TOP2B: variants seen among roughly 807,000 people sequenced by gnomAD.
TOP2B encodes DNA topoisomerase II beta.
Under a neutral mutation model 193.5 loss-of-function variants are expected in TOP2B, and 51 were observed. That is an observed-to-expected ratio of 0.26 (90% CI 0.21 to 0.33). TOP2B has a LOEUF of 0.33. TOP2B is among the 10% of genes least tolerant of loss of function. The probability of loss-of-function intolerance (pLI) is 1.00; values close to 1 mark genes in which losing one functional copy is unlikely to be tolerated. For missense variants in TOP2B, 1,378 were observed against 1,909.3 expected (o/e 0.72, Z 5.19); for synonymous variants, 634 against 635.7 (o/e 1.00, Z 0.04).
At chr3:25,660,429 A>G (rs1170670204) in intron 1 of TOP2B, among the ~76,000 whole-genome samples, 1 of 152,236 alleles carries the variant, frequency 6.6e-6, no homozygotes, top group Non-Finnish European at 1.5e-5. Context: ...TCATGAGAGT[A>G]ACAAACATTC....
intron 4 of TOP2B, among the ~76,000 whole-genome samples, chr3:25,639,912 C>T (rs1379637437): frequency 1.3e-5 from 2 of 152,052 alleles, no homozygotes; most frequent in African/African-American, 4.8e-5. Flanking sequence ...AAAATTTAAC[C>T]TCTCCTCCAC....
chr3:25,657,905 C>CA (rs1233759889), intron 1 of TOP2B, among the ~76,000 whole-genome samples: 4 of 146,478 alleles, frequency 2.7e-5, no homozygotes, highest in African/African-American at 7.9e-5. Context: ...ACTAAAAATA[C>CA]AAAAAATTAG....
Position 25,627,316 on chromosome 3 carries a change from A to C in TOP2B, c.1907-20T>G. On this transcript the variant is annotated intron_variant, in intron 15 of 35. Transcript: ENST00000264331. Reference sequence around the variant, plus strand: ...CCAATCCTGCACAATTTTAAAAATAAAAGTGAGTCATGAATATCAATGTCT... The same window carrying C: ...CCAATCCTGCACAATTTTAAAAATACAAGTGAGTCATGAATATCAATGTCT... 6.7e-7 allele frequency: 1 copy of C among 1,482,070 alleles called. No individual in the cohort carries two copies. Among genetic ancestry groups the C allele is most frequent in the Non-Finnish European group, 9.2e-7 (1 of 1,091,016 alleles). The allele number at this position is 1,482,070 out of a possible 1,614,324, so 91.8% of individuals were successfully genotyped here. A position where few individuals can be genotyped will look rare whatever the true frequency, so the allele number is the denominator to read the frequency against.
At chr3:25,623,415 G>A (rs1702714985) in intron 21 of TOP2B, 100 bp downstream of exon 21, 1 of 1,093,632 alleles carries the variant, frequency 9.1e-7, no homozygotes, top group Non-Finnish European at 1.3e-6. Flanking sequence ...TCTACAATAT[G>A]TTCTAAAATA....
intron 3 of TOP2B, 67 bp from the exon 4 acceptor site, chr3:25,642,452 T>C (rs2125393432): frequency 1.0e-6 from 1 of 963,810 alleles, no homozygotes; most frequent in East Asian, 2.6e-5. Flanking sequence ...GACACAACTG[T>C]ATGTGCATCA....
intron 2 of TOP2B, among the ~76,000 whole-genome samples, chr3:25,644,115 T>A (rs1010201954): frequency 2.0e-5 from 3 of 151,386 alleles, no homozygotes; most frequent in Admixed American, 1.3e-4. Context: ...TTTTTTTTTT[T>A]ATAATACAGG....
In TOP2B at chr3:25,628,851, A is replaced by G; in HGVS notation, c.1902T>C (p.Tyr634=). 2 of 1,527,460 alleles carry G rather than the reference A, an allele frequency of 1.3e-6. No individual in the cohort carries two copies. The highest frequency in any genetic ancestry group is 1.2e-5 in the South Asian group (1 of 82,740). 94.6% of individuals were successfully genotyped at this position (1,527,460 alleles called of 1,614,324 possible). The change falls in exon 15 of 36, where the codon TAT becomes TAC. Residue 634 remains tyrosine (Y), a synonymous_variant. Transcript: ENST00000264331. ...TAAGTATTTTAAAATACAAACCTTT[A>G]TAGTACTTTATTTTCCAGGCTTTCT... The part of the protein sequence containing the change: ...ENQKAWKIKY[Y]KGLGTSTAKE...
At position 25,637,225 on chromosome 3, in the gene TOP2B, C is replaced by A; in HGVS notation, c.629G>T (p.Ser210Ile). 1 of 1,553,264 alleles carries A rather than the reference C, an allele frequency of 6.4e-7. No homozygotes were observed. The highest frequency in any genetic ancestry group is 1.2e-5 in the South Asian group (1 of 84,280). Reference sequence around the variant, plus strand: ...GTGTTTCTAGCATACCTGCTTAAAACTGTGTTTGTATTCTTTGCAAGCTGT... The same window carrying A: ...GTGTTTCTAGCATACCTGCTTAAAAATGTGTTTGTATTCTTTGCAAGCTGT... The part of the protein sequence containing the change: ...VETACKEYKH[S>I]FKQTWMNNMM... The change falls in exon 6 of 36, where the codon AGT (serine) becomes ATT (isoleucine). Residue 210 changes from serine to isoleucine, a missense_variant. Transcript: ENST00000264331.
chr3:25,654,301 C>G (rs1703682837), intron 1 of TOP2B, among the ~76,000 whole-genome samples: 1 of 151,756 alleles, frequency 6.6e-6, no homozygotes, highest in Admixed American at 6.6e-5. Flanking sequence ...CATGACCAAT[C>G]AAAAAAGGAA....
chr3:25,605,391 C>T (rs1559491298), intron 32 of TOP2B, among the ~76,000 whole-genome samples: 1 of 152,000 alleles, frequency 6.6e-6, no homozygotes. Flanking sequence ...TTCCCTAACA[C>T]CATAGCACAA....
At chr3:25,604,374 G>C (rs1272894633) in intron 33 of TOP2B, among the ~76,000 whole-genome samples, 2 of 152,166 alleles carry the variant, frequency 1.3e-5, no homozygotes, top group Non-Finnish European at 2.9e-5. Context: ...GACTCACATA[G>C]AAAAAGAGGA....
chr3:25,652,388 A>G (rs902869594), intron 1 of TOP2B, among the ~76,000 whole-genome samples: 1 of 152,226 alleles, frequency 6.6e-6, no homozygotes, highest in South Asian at 2.1e-4. Context: ...TTTCAATTGC[A>G]CTTGGAACAT....
rs1702233403 is a variant in TOP2B at position 25,606,193 on chromosome 3, TATA to T, written c.4299-74_4299-72del. The T allele has an allele frequency of 2.2e-5, 16 of 717,976 alleles. No homozygotes were observed. The South Asian group carries it at 4.2e-4, about 19-fold the overall frequency. 44.5% of individuals were successfully genotyped at this position (717,976 alleles called of 1,614,324 possible). ...CTGATTTCAATCCTGATAAATTATA[TATA>T]ATATTTACTGCAGGATTATAATCAC... On this transcript the variant is annotated intron_variant, in intron 31 of 35. Coordinates refer to ENST00000264331, the MANE Select transcript of TOP2B (RefSeq NM_001330700.2).
At chr3:25,605,838 C>T (rs1309338916) in intron 32 of TOP2B, among the ~76,000 whole-genome samples, 1 of 152,046 alleles carries the variant, frequency 6.6e-6, no homozygotes, top group Non-Finnish European at 1.5e-5. Flanking sequence ...TAAATGCTTC[C>T]ATAATGCCTA....
At chr3:25,618,303 A>G (rs1478756673) in intron 25 of TOP2B, 115 bp downstream of exon 25, 10 of 697,338 alleles carry the variant, frequency 1.4e-5, no homozygotes, top group Non-Finnish European at 2.5e-5. Context: ...GTCTCTAAAT[A>G]GACAACTCAG....
At chr3:25,610,158 G>A (rs1469874177) in intron 28 of TOP2B, among the ~76,000 whole-genome samples, 1 of 151,582 alleles carries the variant, frequency 6.6e-6, no homozygotes. Context: ...CCTCTGGCCT[G>A]GGAAACAAAA....
At chr3:25,653,176 T>G (rs1424592367) in intron 1 of TOP2B, among the ~76,000 whole-genome samples, 2 of 152,162 alleles carry the variant, frequency 1.3e-5, no homozygotes, top group African/African-American at 4.8e-5. Flanking sequence ...CAGTACCAGA[T>G]GGCTTCACTT....
intron 10 of TOP2B, among the ~76,000 whole-genome samples, chr3:25,631,319 A>G (rs1430283328): frequency 1.3e-5 from 2 of 152,076 alleles, no homozygotes; most frequent in Non-Finnish European, 2.9e-5. Context: ...CCTTCAATAC[A>G]AAACGTGAGT....
intron 4 of TOP2B, among the ~76,000 whole-genome samples, chr3:25,642,082 T>C (rs923045621): frequency 5.3e-5 from 8 of 152,134 alleles, no homozygotes; most frequent in African/African-American, 1.7e-4. Context: ...GTGATTACCC[T>C]AGCAGCTGAA....
Sources: gnomAD v4.1 joint callset for allele counts (sites outside exome capture counted in the v4.1 genomes callset) on GRCh38, gnomAD v4.1.1 for gene constraint, MANE v1.5 for transcripts, NCBI Gene and HGNC (gene_info 2026-07-23, HGNC 2026-07-21) for gene names.